Variants in TAFA2 observed in about 807,000 individuals in gnomAD.
TAFA2 encodes chemokine-like protein TAFA-2.
In TAFA2, 7 loss-of-function variants were observed where a neutral mutation model predicts 18.8. The ratio of observed to expected loss-of-function variants is 0.37; its 90% CI spans 0.21 to 0.70. TAFA2 has a LOEUF of 0.70. TAFA2 is among the 30% of genes least tolerant of loss of function. TAFA2 has a pLI of 0.53. For missense variants in TAFA2, 122 were observed against 158.1 expected, an observed-to-expected ratio of 0.77 and a Z score of 1.23; for synonymous variants, 60 against 54.2, an observed-to-expected ratio of 1.11 and a Z score of -0.47.
At chr12:61,710,958 A>AG (rs927850585) in intron 4 of TAFA2, among the ~76,000 whole-genome samples, 1 of 151,400 alleles carries the variant, frequency 6.6e-6, no homozygotes, top group African/African-American at 2.4e-5. Flanking sequence ...TTTGAAAAAA[A>AG]TCTGTTTATG....
intron 1 of TAFA2, among the ~76,000 whole-genome samples, chr12:61,929,751 A>C (rs537231467): frequency 3.3e-5 from 5 of 152,184 alleles, no homozygotes; most frequent in Non-Finnish European, 7.4e-5. Flanking sequence ...ACTTGGAACC[A>C]ACCCAAATGT....
chr12:61,829,583 T>C (rs1872641131), intron 2 of TAFA2, among the ~76,000 whole-genome samples: 1 of 151,628 alleles, frequency 6.6e-6, no homozygotes. Context: ...CAGAAAATGA[T>C]TTAAAACAGC....
At chr12:61,962,896 C>T (rs1878938151) in intron 1 of TAFA2, among the ~76,000 whole-genome samples, 1 of 151,940 alleles carries the variant, frequency 6.6e-6, no homozygotes, top group Non-Finnish European at 1.5e-5. Flanking sequence ...CTGTCCCTCC[C>T]CTAGCCCCCC....
At chr12:61,800,335 C>A (rs985219065) in intron 2 of TAFA2, among the ~76,000 whole-genome samples, 2 of 152,030 alleles carry the variant, frequency 1.3e-5, no homozygotes, top group African/African-American at 2.4e-5. Flanking sequence ...TATTTGGGAC[C>A]TTGCTTTCAG....
chr12:61,879,686 A>G (rs1875031105), intron 1 of TAFA2: 9 of 1,084,700 alleles, frequency 8.3e-6, no homozygotes, highest in Non-Finnish European at 1.3e-5. Context: ...GCTGGAGGCC[A>G]AGTGGAGCCT....
At chr12:62,221,212 A>AGGGGGGAAGGAG (rs2062759812) in intron 1 of TAFA2, among the ~76,000 whole-genome samples, 1 of 78,566 alleles carries the variant, frequency 1.3e-5, no homozygotes, top group Non-Finnish European at 2.4e-5. Flanking sequence ...GAAGGAAGGA[A>AGGGGGGAAGGAG]GGGGGGAAGG....
intron 1 of TAFA2, among the ~76,000 whole-genome samples, chr12:62,003,825 C>T (rs893508917): frequency 7.9e-5 from 12 of 152,160 alleles, no homozygotes; most frequent in Non-Finnish European, 1.3e-4. Context: ...AACATAAATA[C>T]ATTTCTATGT....
At chr12:62,105,735 A>G (rs1869418509) in intron 1 of TAFA2, among the ~76,000 whole-genome samples, 1 of 152,214 alleles carries the variant, frequency 6.6e-6, no homozygotes, top group Admixed American at 6.5e-5. Context: ...AAGTGCTCTG[A>G]TAAAGCACCA....
chr12:61,906,222 C>T (rs1876343885), intron 1 of TAFA2, among the ~76,000 whole-genome samples: 1 of 152,136 alleles, frequency 6.6e-6, no homozygotes, highest in African/African-American at 2.4e-5. Context: ...GGCTGTGTCC[C>T]CACCCAAATC....
At chr12:61,745,250 A>T (rs897439235) in intron 4 of TAFA2, among the ~76,000 whole-genome samples, 1 of 152,130 alleles carries the variant, frequency 6.6e-6, no homozygotes, top group African/African-American at 2.4e-5. Flanking sequence ...CATCTCACAT[A>T]ATGGCAAATC....
intron 2 of TAFA2, among the ~76,000 whole-genome samples, chr12:61,798,553 C>T (rs1871281333): frequency 1.3e-5 from 2 of 152,136 alleles, no homozygotes; most frequent in South Asian, 2.1e-4. Flanking sequence ...AATAACTCCC[C>T]ATTTCCCTCT....
At chr12:61,789,563 G>A (rs1027373012) in intron 2 of TAFA2, among the ~76,000 whole-genome samples, 12 of 151,820 alleles carry the variant, frequency 7.9e-5, no homozygotes, top group African/African-American at 2.7e-4. Context: ...CTAAGAGAGG[G>A]ATAGCATTAG....
chr12:61,884,741 T>G (rs993402168), intron 1 of TAFA2, among the ~76,000 whole-genome samples: 18 of 152,160 alleles, frequency 1.2e-4, no homozygotes, highest in Non-Finnish European at 5.9e-5. Flanking sequence ...CAATTTGCAC[T>G]GTGTCTTAAA....
At chr12:62,043,754 T>G (rs573601019) in intron 1 of TAFA2, among the ~76,000 whole-genome samples, 3 of 152,298 alleles carry the variant, frequency 2.0e-5, no homozygotes, top group Non-Finnish European at 2.9e-5. Context: ...GAATTATATC[T>G]TGCATATAAT....
rs146382537 is a variant in TAFA2, at chr12:61,732,728, A to ATT, written c.384+20892_384+20893dup. Among the ~76,000 whole-genome samples, 289 of 111,040 alleles carry ATT rather than the reference A, an allele frequency of 2.6e-3. 1 individual carries two copies. Among genetic ancestry groups the ATT allele is most frequent in the African/African-American group, 5.8e-3 (193 of 33,384 alleles). 72.8% of individuals were successfully genotyped at this position (111,040 alleles called of 152,430 possible). A position where few individuals can be genotyped will look rare whatever the true frequency, so the allele number is the denominator to read the frequency against. On this transcript the variant is annotated intron_variant, in intron 4 of 4. Transcript: ENST00000416284. ...AGAGACAAGGTGGAGTGAGCAAGTG[A>ATT]TTTTTTGTGTGTGTGTGTGTGTGTG...
chr12:61,973,156 G>T (rs1479695342), intron 1 of TAFA2, among the ~76,000 whole-genome samples: 4 of 151,496 alleles, frequency 2.6e-5, no homozygotes, highest in East Asian at 1.9e-4. Context: ...TGGCAGTAAA[G>T]GTCACTTGGG....
At chr12:61,932,590 C>G (rs531890892) in intron 1 of TAFA2, among the ~76,000 whole-genome samples, 11 of 152,226 alleles carry the variant, frequency 7.2e-5, no homozygotes, top group Non-Finnish European at 1.3e-4. Flanking sequence ...CAGGCACCCC[C>G]CTCCACCACG....
chr12:61,784,324 G>T (rs1010785681), intron 2 of TAFA2, among the ~76,000 whole-genome samples: 13 of 151,466 alleles, frequency 8.6e-5, no homozygotes, highest in Non-Finnish European at 1.5e-5. Context: ...GCATGGTTCA[G>T]TATCTGGGAG....
At chr12:61,832,734 C>T (rs1312901050) in intron 2 of TAFA2, among the ~76,000 whole-genome samples, 1 of 151,958 alleles carries the variant, frequency 6.6e-6, no homozygotes, top group East Asian at 1.9e-4. Flanking sequence ...CTAAATATTA[C>T]ATTCATGACA....
Sources: allele counts gnomAD v4.1 joint callset (sites outside exome capture counted in the v4.1 genomes callset), GRCh38; gene constraint gnomAD v4.1.1; transcripts MANE v1.5; gene names NCBI Gene and HGNC (gene_info 2026-07-23, HGNC 2026-07-21).